DEK: variants seen among roughly 807,000 people sequenced by gnomAD.
DEK encodes the protein DEK proto-oncogene.
DEK carries 28 observed loss-of-function variants against 46.8 expected under a neutral mutation model. The observed-to-expected ratio is 0.60, with a 90% CI of 0.44 to 0.82. DEK has a LOEUF of 0.82. DEK is among the 40% of genes least tolerant of loss of function. The pLI, the probability that DEK is intolerant of heterozygous loss-of-function variation, is 0.00. For synonymous variants in DEK, 160 were observed against 144.5 expected, an observed-to-expected ratio of 1.11 and a Z score of -0.77; for missense variants, 416 against 430.6, an observed-to-expected ratio of 0.97 and a Z score of 0.30.
At chr6:18,239,338 CTTTTT>C (rs58941276) in intron 7 of DEK, among the ~76,000 whole-genome samples, 4 of 78,290 alleles carry the variant, frequency 5.1e-5, no homozygotes, top group African/African-American at 1.8e-4. Context: ...ATTTTAGTGT[CTTTTT>C]TTTTTTTTTT....
intron 6 of DEK, 53 bp from the exon 7 acceptor site, chr6:18,249,892 T>G: frequency 1.3e-6 from 2 of 1,505,234 alleles, no homozygotes; most frequent in Non-Finnish European, 8.8e-7. Flanking sequence ...TTTCAATCAA[T>G]TCTCTTCTTG....
chr6:18,251,812 T>A (rs772331991), intron 6 of DEK, among the ~76,000 whole-genome samples: 1 of 151,926 alleles, frequency 6.6e-6, no homozygotes, highest in Non-Finnish European at 1.5e-5. Context: ...CAGACACAGG[T>A]AGCAAGGATG....
intron 9 of DEK, among the ~76,000 whole-genome samples, chr6:18,234,182 T>C (rs1308983957): frequency 1.0e-5 from 1 of 97,532 alleles, no homozygotes; most frequent in Non-Finnish European, 2.0e-5. Flanking sequence ...CATCGGGGCC[T>C]GTTGTGGGGT....
intron 6 of DEK, among the ~76,000 whole-genome samples, chr6:18,250,568 CTTTTTTTTTTTTTTT>C (rs70974716): frequency 4.8e-5 from 3 of 62,818 alleles, no homozygotes; most frequent in Admixed American, 5.2e-4. Context: ...GGAGAAAAAC[CTTTTTTTTTTTTTTT>C]TTTTTTTTTT....
intron 6 of DEK, among the ~76,000 whole-genome samples, chr6:18,253,611 C>G (rs1791484833): frequency 6.6e-6 from 1 of 152,166 alleles, no homozygotes. Context: ...CTTTAGGAAA[C>G]TACAACTTAT....
intron 9 of DEK, among the ~76,000 whole-genome samples, chr6:18,227,207 T>C (rs1208585343): frequency 6.6e-6 from 1 of 152,114 alleles, no homozygotes; most frequent in African/African-American, 2.4e-5. Flanking sequence ...GAACGCCTCT[T>C]TGCAGTTGAG....
intron 7 of DEK, chr6:18,244,700 G>A (rs1315539824): frequency 4.2e-6 from 2 of 478,508 alleles, no homozygotes; most frequent in African/African-American, 2.0e-5. Flanking sequence ...AGGAAAGAAT[G>A]TGCAAGTCTA....
chr6:18,242,823 A>G (rs1341847912), intron 7 of DEK, among the ~76,000 whole-genome samples: 5 of 152,204 alleles, frequency 3.3e-5, no homozygotes, highest in African/African-American at 4.8e-5. Context: ...GAAAAAAATC[A>G]TATGTTGAGG....
intron 2 of DEK, among the ~76,000 whole-genome samples, chr6:18,258,743 T>C (rs1179443239): frequency 6.6e-6 from 1 of 152,244 alleles, no homozygotes; most frequent in Non-Finnish European, 1.5e-5. Context: ...GTTTAATCTT[T>C]GGACATAATT....
intron 6 of DEK, among the ~76,000 whole-genome samples, chr6:18,250,738 C>T (rs1276209556): frequency 6.6e-6 from 1 of 151,808 alleles, no homozygotes; most frequent in Non-Finnish European, 1.5e-5. Flanking sequence ...TCAAGTGATC[C>T]ACCCACCCTG....
chr6:18,240,375 C>T (rs958908137), intron 7 of DEK, among the ~76,000 whole-genome samples: 3 of 152,128 alleles, frequency 2.0e-5, no homozygotes, highest in East Asian at 1.9e-4. Flanking sequence ...GAAAAATATA[C>T]GACATAATAG....
At chr6:18,252,477 C>CA (rs1791422420) in intron 6 of DEK, among the ~76,000 whole-genome samples, 1 of 127,726 alleles carries the variant, frequency 7.8e-6, no homozygotes, top group African/African-American at 3.1e-5. Flanking sequence ...CCACAACACT[C>CA]CAGTCTAGGC....
intron 2 of DEK, among the ~76,000 whole-genome samples, chr6:18,259,328 G>A (rs1791739859): frequency 7.2e-6 from 1 of 139,832 alleles, no homozygotes; most frequent in African/African-American, 2.6e-5. Context: ...CCAGGAGGCG[G>A]AGCTTGCAGT....
In DEK at chr6:18,264,479, G is replaced by T; in HGVS notation, c.-104C>A. 3.6e-6 allele frequency: 1 copy of T among 276,388 alleles called. No individual in the cohort carries two copies. Among genetic ancestry groups the T allele is most frequent in the Non-Finnish European group, 7.3e-6 (1 of 137,702 alleles). 17.1% of individuals were successfully genotyped at this position (276,388 alleles called of 1,614,324 possible). ...ACGCCGAGGAGAAGGCGCGCGGGCCGCTGTCTGGCGTGACGCTCGCGCCGC... is the reference window on the plus strand; with the variant it reads ...ACGCCGAGGAGAAGGCGCGCGGGCCTCTGTCTGGCGTGACGCTCGCGCCGC... On this transcript the variant is annotated 5_prime_UTR_variant, in exon 1 of 11. Transcript: ENST00000652689.
chr6:18,225,851 A>T (rs1280582558), intron 10 of DEK, 121 bp from the exon 11 acceptor site: 1 of 1,192,954 alleles, frequency 8.4e-7, no homozygotes. Context: ...AATTACAGCT[A>T]CCTGCTGATC....
intron 4 of DEK, among the ~76,000 whole-genome samples, chr6:18,257,295 A>C (rs1791641010): frequency 1.3e-5 from 2 of 152,186 alleles, no homozygotes; most frequent in Non-Finnish European, 2.9e-5. Flanking sequence ...ACTTATTCTG[A>C]ATGTCGAGAA....
chr6:18,250,273 T>C (rs972529862), intron 6 of DEK, among the ~76,000 whole-genome samples: 2 of 152,008 alleles, frequency 1.3e-5, no homozygotes, highest in African/African-American at 4.8e-5. Flanking sequence ...ATCGAGACCA[T>C]CCTGGCTAAC....
intron 7 of DEK, 48 bp from the exon 8 acceptor site, chr6:18,237,564 T>TATCCC (rs772722314): frequency 1.4e-5 from 21 of 1,554,492 alleles, no homozygotes; most frequent in Admixed American, 2.1e-5. Flanking sequence ...GATTCAATGC[T>TATCCC]ATCCCATCCC....
chr6:18,225,058 C>T lies in DEK; in HGVS notation c.*661G>A, dbSNP rs570157073. 2.6e-4 allele frequency: 57 copies of T among 215,340 alleles called. No individual in the cohort carries two copies. Among genetic ancestry groups the T allele is most frequent in the African/African-American group, 1.3e-3 (56 of 44,382 alleles). The allele number at this position is 215,340 out of a possible 1,614,324, so 13.3% of individuals were successfully genotyped here. On this transcript the variant is annotated 3_prime_UTR_variant, in exon 11 of 11. Transcript: ENST00000652689. Reference sequence around the variant, plus strand: ...TCCATAGTCTACAACTATAAAGATACCTACCTATGTGAGTTTAAAAAGTGA... The same window carrying T: ...TCCATAGTCTACAACTATAAAGATATCTACCTATGTGAGTTTAAAAAGTGA...
Sources: gnomAD v4.1 joint callset for allele counts (sites outside exome capture counted in the v4.1 genomes callset) on GRCh38, gnomAD v4.1.1 for gene constraint, MANE v1.5 for transcripts, NCBI Gene and HGNC (gene_info 2026-07-23, HGNC 2026-07-21) for gene names.